Variants in ARHGAP32 observed in about 807,000 individuals in gnomAD.
ARHGAP32 encodes the protein Rho GTPase activating protein 32, also known as rho GTPase-activating protein 32.
A neutral mutation model predicts 186.5 loss-of-function variants in ARHGAP32; 51 were observed. The observed-to-expected ratio is 0.27, with a 90% CI of 0.22 to 0.35. ARHGAP32 has a LOEUF of 0.35. ARHGAP32 is among the 10% of genes least tolerant of loss of function. The pLI is 1.00. For synonymous variants in ARHGAP32, 950 were observed against 964.3 expected, an observed-to-expected ratio of 0.99 and a Z score of 0.27; for missense variants, 2,186 against 2,623.5, an observed-to-expected ratio of 0.83 and a Z score of 3.64.
At chr11:129,222,968 T>C (rs942567654) in intron 1 of ARHGAP32, among the ~76,000 whole-genome samples, 2 of 152,192 alleles carry the variant, frequency 1.3e-5, no homozygotes, top group African/African-American at 2.4e-5. Flanking sequence ...GCAAGTGGTA[T>C]ATATTGTTTT....
At chr11:129,069,278 C>T (rs1940794833) in intron 6 of ARHGAP32, among the ~76,000 whole-genome samples, 1 of 151,960 alleles carries the variant, frequency 6.6e-6, no homozygotes, top group Non-Finnish European at 1.5e-5. Flanking sequence ...CCACAATGTC[C>T]CAATTGTGAA....
intron 11 of ARHGAP32, among the ~76,000 whole-genome samples, chr11:129,017,841 A>G (rs923234310): frequency 1.3e-5 from 2 of 152,172 alleles, no homozygotes; most frequent in Non-Finnish European, 2.9e-5. Context: ...TTGGGTAGAA[A>G]CCTTAAATAT....
chr11:129,055,086 T>C (rs988356733), intron 10 of ARHGAP32, among the ~76,000 whole-genome samples: 15 of 152,222 alleles, frequency 9.9e-5, no homozygotes, highest in African/African-American at 3.4e-4. Context: ...GGCCCTGGGA[T>C]TTGATATTTA....
chr11:129,162,078 C>A lies in ARHGAP32; in HGVS notation c.225+2241G>T, dbSNP rs1252529221. Among the ~76,000 whole-genome samples, 2 of 151,978 alleles carry A rather than the reference C, an allele frequency of 1.3e-5. 1 individual carries two copies. Among genetic ancestry groups the A allele is most frequent in the African/African-American group, 4.8e-5 (2 of 41,376 alleles). On this transcript the variant is annotated intron_variant, in intron 2 of 22. Transcript: ENST00000682385. ...ACCAAACACTGCATGTTCTCACTCA[C>A]AAGTGTGAGTTGAACAATGAGAACA...
intron 20 of ARHGAP32, among the ~76,000 whole-genome samples, chr11:128,975,436 T>G (rs1030420502): frequency 5.3e-5 from 8 of 152,314 alleles, no homozygotes; most frequent in African/African-American, 1.2e-4. Context: ...ATGTTTTTTT[T>G]GTGGGGAAAC....
chr11:129,014,220 T>C (rs915302649), intron 11 of ARHGAP32, among the ~76,000 whole-genome samples: 4 of 152,184 alleles, frequency 2.6e-5, no homozygotes, highest in Admixed American at 6.5e-5. Context: ...TTTCCAGTAG[T>C]TAAAAGCCTT....
At chr11:129,264,658 C>G (rs1945370269) in intron 1 of ARHGAP32, among the ~76,000 whole-genome samples, 1 of 152,140 alleles carries the variant, frequency 6.6e-6, no homozygotes, top group African/African-American at 2.4e-5. Flanking sequence ...CCATAGGAGA[C>G]AGAGAACTTT....
chr11:129,203,914 T>C (rs888038217), intron 1 of ARHGAP32, among the ~76,000 whole-genome samples: 1 of 148,136 alleles, frequency 6.8e-6, no homozygotes, highest in African/African-American at 2.5e-5. Flanking sequence ...ATTGCATATA[T>C]ATATAATTGC....
At chr11:129,126,374 T>C (rs1049800506) in intron 2 of ARHGAP32, among the ~76,000 whole-genome samples, 2 of 152,232 alleles carry the variant, frequency 1.3e-5, no homozygotes, top group African/African-American at 4.8e-5. Flanking sequence ...TCCTACAAAG[T>C]TGATGCCACA....
chr11:128,981,967 A>G (rs1400238523), intron 15 of ARHGAP32, 31 bp from the exon 16 acceptor site: 2 of 1,362,564 alleles, frequency 1.5e-6, no homozygotes, highest in Non-Finnish European at 2.1e-6. Context: ...ATTAACAGAA[A>G]GAAACATGAT....
chr11:129,119,169 A>G (rs545362161), intron 5 of ARHGAP32, among the ~76,000 whole-genome samples: 1 of 152,100 alleles, frequency 6.6e-6, no homozygotes, highest in African/African-American at 2.4e-5. Context: ...ATTAGCTGTC[A>G]CCTAGTATTC....
intron 1 of ARHGAP32, among the ~76,000 whole-genome samples, chr11:129,247,979 T>C (rs890346549): frequency 4.6e-5 from 7 of 152,158 alleles, no homozygotes; most frequent in African/African-American, 1.7e-4. Flanking sequence ...CCCCCTGAAT[T>C]ATTTATATAC....
At chr11:129,252,697 G>A (rs1036089767) in intron 1 of ARHGAP32, among the ~76,000 whole-genome samples, 4 of 152,146 alleles carry the variant, frequency 2.6e-5, no homozygotes, top group African/African-American at 7.2e-5. Context: ...AAAGTACTAC[G>A]ACTGATGCCA....
intron 1 of ARHGAP32, among the ~76,000 whole-genome samples, chr11:129,235,939 ACT>A (rs1944925800): frequency 7.4e-6 from 1 of 135,814 alleles, no homozygotes; most frequent in East Asian, 2.2e-4. Flanking sequence ...ACACACACAC[ACT>A]CACACACATT....
chr11:129,136,251 C>A (rs1942933748), intron 2 of ARHGAP32, among the ~76,000 whole-genome samples: 1 of 152,052 alleles, frequency 6.6e-6, no homozygotes, highest in African/African-American at 2.4e-5. Context: ...AGAAATAAGG[C>A]CCACGTAAGA....
At chr11:129,238,756 A>AAC (rs71057936) in intron 1 of ARHGAP32, among the ~76,000 whole-genome samples, 89,986 of 148,268 alleles carry the variant, frequency 0.61, 27,277 homozygotes, top group Admixed American at 0.7. Flanking sequence ...ACTTATTTTA[A>AAC]ACACACACAC....
rs181935765 is a variant in ARHGAP32, at chr11:129,265,522, C to T, written c.-5+13624G>A. On this transcript the variant is annotated intron_variant, in intron 1 of 6. Coordinates refer to the ARHGAP32 transcript ENST00000525234. ...AAAGTAGTACTGAGGAAAACACAGG[C>T]ACTTGAAGGGCAAAAAGACCTGGAT... Among the ~76,000 whole-genome samples the T allele has an allele frequency of 3.3e-5, 5 of 152,272 alleles. No individual in the cohort carries two copies. The East Asian group carries it at 7.7e-4, about 23-fold the overall frequency.
intron 1 of ARHGAP32, among the ~76,000 whole-genome samples, chr11:129,177,031 G>C (rs1943931394): frequency 6.7e-6 from 1 of 149,512 alleles, no homozygotes; most frequent in South Asian, 2.1e-4. Flanking sequence ...AAAATGGATA[G>C]ACCGCTAGCA....
intron 1 of ARHGAP32, among the ~76,000 whole-genome samples, chr11:129,168,307 T>C (rs974320956): frequency 6.6e-6 from 1 of 151,844 alleles, no homozygotes; most frequent in Admixed American, 6.6e-5. Flanking sequence ...CACCAAAAGG[T>C]AGAAAATGGA....
Sources: allele counts gnomAD v4.1 joint callset (sites outside exome capture counted in the v4.1 genomes callset), GRCh38; gene constraint gnomAD v4.1.1; transcripts MANE v1.5; gene names NCBI Gene and HGNC (gene_info 2026-07-23, HGNC 2026-07-21).